RYR3: variants seen among roughly 807,000 people sequenced by gnomAD.
RYR3 encodes the protein brain ryanodine receptor-calcium release channel.
In RYR3, 207 loss-of-function variants were observed where a neutral mutation model predicts 584.3. The ratio of observed to expected loss-of-function variants is 0.35; its 90% CI spans 0.32 to 0.40. The LOEUF (loss-of-function observed/expected upper bound fraction) is 0.40. Ranked by LOEUF, RYR3 falls within the 10% of genes least tolerant of loss-of-function variation. The pLI, the probability that RYR3 is intolerant of heterozygous loss-of-function variation, is 1.00. For missense variants in RYR3, 5,616 were observed against 6,089.2 expected, an observed-to-expected ratio of 0.92 and a Z score of 2.59; for synonymous variants, 2,416 against 2,248.5, an observed-to-expected ratio of 1.07 and a Z score of -2.11.
At chr15:33,763,936 GGA>G (rs199748792) in intron 60 of RYR3, among the ~76,000 whole-genome samples, 65,584 of 141,670 alleles carry the variant, frequency 0.46, 15,734 homozygotes, top group African/African-American at 0.58. Flanking sequence ...AACAGATGCT[GGA>G]GAGAGGATGT....
chr15:33,660,429 A>C lies in RYR3; in HGVS notation c.4622+6A>C. On this transcript the variant is annotated splice_donor_region_variant and intron_variant, in intron 34 of 103. Transcript: ENST00000634891. ...CACATCCCCGAGGAGAACAGGTACC[A>C]GAGGGGCCCGCGAAGGAAGGGGCAG... is the stretch of plus-strand genomic sequence containing the variant. The C allele has an allele frequency of 6.5e-7, 1 of 1,541,652 alleles. No individual in the cohort carries two copies.
chr15:33,778,549 GAA>G (rs1378424886), intron 64 of RYR3, among the ~76,000 whole-genome samples: 1 of 152,228 alleles, frequency 6.6e-6, no homozygotes. Context: ...ACTTAGTAAA[GAA>G]GAGAAATAAT....
chr15:33,773,493 C>A, intron 63 of RYR3, 41 bp from the exon 64 acceptor site: 2 of 1,397,160 alleles, frequency 1.4e-6, no homozygotes, highest in Non-Finnish European at 1.0e-6. Context: ...TTTCTGTATT[C>A]AGGATTGATG....
Position 33,825,643 on chromosome 15 carries a change from G to A in RYR3, c.11113G>A (p.Glu3705Lys), listed in dbSNP as rs1204301579. ...LNAFERQNKA[E>K]GLGMVTEEGT... ...TGCATTTGAGAGGCAGAATAAAGCT[G>A]AAGGCCTGGGGATGGTGACTGAAGA... Residue 3705 changes from glutamate to lysine, a missense_variant, in exon 82 of 104, where the codon GAA becomes AAA. Glu to Lys is a moderately conservative substitution (Grantham distance 56, BLOSUM62 1). This residue lies in a region of RYR3 where 954 missense variants were observed against 1,132.2 expected (regional missense o/e 0.84). Coordinates refer to ENST00000634891, the MANE Select transcript of RYR3 (RefSeq NM_001036.6). 6.2e-7 allele frequency: 1 copy of A among 1,608,404 alleles called. No individual in the cohort carries two copies. The highest frequency in any genetic ancestry group is 1.7e-5 in the Admixed American group (1 of 59,826).
intron 1 of RYR3, among the ~76,000 whole-genome samples, chr15:33,327,067 G>A (rs948218839): frequency 3.3e-5 from 5 of 151,590 alleles, no homozygotes; most frequent in African/African-American, 1.2e-4. Flanking sequence ...AGTGAAAGAC[G>A]AGACGCATGT....
intron 18 of RYR3, among the ~76,000 whole-genome samples, chr15:33,610,583 T>C (rs901618042): frequency 5.3e-5 from 8 of 152,188 alleles, no homozygotes; most frequent in Non-Finnish European, 7.3e-5. Context: ...ACCTAATCTT[T>C]TTTATTAATT....
At chr15:33,416,927 C>T (rs2043855309) in intron 1 of RYR3, among the ~76,000 whole-genome samples, 1 of 152,120 alleles carries the variant, frequency 6.6e-6, no homozygotes, top group Admixed American at 6.6e-5. Flanking sequence ...GTTTTCCCAG[C>T]ACCATTTATT....
intron 1 of RYR3, among the ~76,000 whole-genome samples, chr15:33,420,706 T>C (rs891047637): frequency 1.4e-4 from 21 of 152,134 alleles, no homozygotes; most frequent in African/African-American, 4.1e-4. Flanking sequence ...TTTTAAAAAC[T>C]GAGCTGCTGT....
At chr15:33,696,070 T>C (rs1234932335) in intron 38 of RYR3, 148 bp from the exon 39 acceptor site, 6 of 647,468 alleles carry the variant, frequency 9.3e-6, no homozygotes, top group Non-Finnish European at 1.5e-5. Flanking sequence ...GCTAGGATTA[T>C]AGGCATGAGC....
intron 98 of RYR3, among the ~76,000 whole-genome samples, chr15:33,857,462 C>G (rs1245317127): frequency 6.6e-6 from 1 of 152,116 alleles, no homozygotes; most frequent in Admixed American, 6.5e-5. Flanking sequence ...AAGGCTGTAT[C>G]TCCATCTCCA....
chr15:33,443,006 C>G (rs981642967), intron 1 of RYR3, among the ~76,000 whole-genome samples: 3 of 152,156 alleles, frequency 2.0e-5, no homozygotes, highest in Non-Finnish European at 4.4e-5. Context: ...CACCTGTAAT[C>G]CCAGCACTTG....
At chr15:33,666,025 G>A (rs962423366) in intron 36 of RYR3, among the ~76,000 whole-genome samples, 3 of 151,730 alleles carry the variant, frequency 2.0e-5, no homozygotes, top group Non-Finnish European at 4.4e-5. Context: ...TCTTTTTTGT[G>A]ACAGAGTCTC....
chr15:33,526,054 C>T (rs916135257), intron 3 of RYR3, among the ~76,000 whole-genome samples: 1 of 152,186 alleles, frequency 6.6e-6, no homozygotes, highest in Non-Finnish European at 1.5e-5. Context: ...TTGCCTGGGA[C>T]TCCCAAAGTG....
At chr15:33,764,680 C>A (rs2072847791) in intron 60 of RYR3, among the ~76,000 whole-genome samples, 1 of 151,822 alleles carries the variant, frequency 6.6e-6, no homozygotes, top group African/African-American at 2.4e-5. Context: ...TGTGAATAAA[C>A]AGGTGGACAC....
intron 10 of RYR3, among the ~76,000 whole-genome samples, chr15:33,556,493 T>A (rs1430160264): frequency 6.6e-6 from 1 of 152,232 alleles, no homozygotes; most frequent in African/African-American, 2.4e-5. Flanking sequence ...GTCATTTTGA[T>A]GTTTTCATTG....
intron 87 of RYR3, 111 bp downstream of exon 87, chr15:33,835,183 A>G (rs1361683420): frequency 1.2e-6 from 1 of 812,274 alleles, no homozygotes; most frequent in Non-Finnish European, 2.0e-6. Flanking sequence ...TGGACAAGCC[A>G]TGCATATTAG....
intron 85 of RYR3, among the ~76,000 whole-genome samples, chr15:33,827,790 C>T (rs1391145452): frequency 1.3e-5 from 2 of 152,230 alleles, no homozygotes; most frequent in African/African-American, 4.8e-5. Context: ...CATCCTGGTT[C>T]TGCCACTTAC....
chr15:33,510,300 T>G (rs2052867151), intron 3 of RYR3, among the ~76,000 whole-genome samples: 1 of 152,204 alleles, frequency 6.6e-6, no homozygotes. Context: ...TGACATCACT[T>G]AGATGCAAAG....
intron 12 of RYR3, among the ~76,000 whole-genome samples, chr15:33,571,847 T>C (rs567106063): frequency 2.0e-5 from 3 of 152,322 alleles, no homozygotes; most frequent in East Asian, 3.9e-4. Flanking sequence ...TTATTTCTTA[T>C]GTTTCTTTTG....
Sources: gnomAD v4.1 joint callset for allele counts (sites outside exome capture counted in the v4.1 genomes callset) on GRCh38, gnomAD v4.1.1 for gene constraint, gnomAD v4.1.1 regional missense constraint, MANE v1.5 for transcripts, NCBI Gene and HGNC (gene_info 2026-07-23, HGNC 2026-07-21) for gene names.